Variants in SLC16A7 observed in about 807,000 individuals in gnomAD.
SLC16A7 encodes the protein solute carrier family 16 member 7.
In SLC16A7, 33 loss-of-function variants were observed where a neutral mutation model predicts 34.9. The ratio of observed to expected loss-of-function variants is 0.94; its 90% CI spans 0.72 to 1.26. The LOEUF (loss-of-function observed/expected upper bound fraction) is 1.26, where lower values mean the gene tolerates loss of function less well. SLC16A7 is among the 50% of genes most tolerant of loss of function. The probability of loss-of-function intolerance (pLI) is 0.00; values close to 1 mark genes in which losing one functional copy is unlikely to be tolerated. For synonymous variants in SLC16A7, 201 were observed against 206.6 expected (o/e 0.97, Z 0.23); for missense variants, 573 against 578.1 (o/e 0.99, Z 0.09).
rs550055412 is a variant in SLC16A7 at position 59,775,158 on chromosome 12, T to C, written c.863T>C (p.Val288Ala). The change falls in exon 5 of 6, where the codon GTT (valine) becomes GCT (alanine). Residue 288 changes from valine (V) to alanine (A), a missense_variant. Val to Ala is a moderately conservative substitution (Grantham distance 64). Coordinates refer to ENST00000547379, the MANE Select transcript of SLC16A7 (RefSeq NM_001270623.2). ...TACTCGGCAGCTTTTCTGCTATCTG[T>C]TATGGCTTTCGTTGATATGTTTGCT... ...DEYSAAFLLS[V>A]MAFVDMFARP... The C allele has an allele frequency of 1.6e-5, 26 of 1,614,114 alleles. No individual in the cohort carries two copies. In the South Asian group the frequency reaches 2.7e-4, roughly 17 times the overall value.
At chr12:59,758,547 TA>T (rs2137376121) in intron 3 of SLC16A7, among the ~76,000 whole-genome samples, 1 of 152,054 alleles carries the variant, frequency 6.6e-6, no homozygotes, top group South Asian at 2.1e-4. Context: ...AATAAAATGA[TA>T]ATATTGATGT....
At chr12:59,685,435 G>A (rs988766262) in intron 2 of SLC16A7, among the ~76,000 whole-genome samples, 1 of 152,080 alleles carries the variant, frequency 6.6e-6, no homozygotes, top group African/African-American at 2.4e-5. Flanking sequence ...AGGAAATGCT[G>A]GTGGTGAATA....
chr12:59,779,696 G>T lies in SLC16A7; in HGVS notation c.*17G>T. On this transcript the variant is annotated 3_prime_UTR_variant, in exon 6 of 6. Transcript: ENST00000547379. Reference sequence around the variant, plus strand: ...AACATTTAACAAGAATCACATCTCTGATTTCAGTGTTTATGACTTTATCTA... The same window carrying T: ...AACATTTAACAAGAATCACATCTCTTATTTCAGTGTTTATGACTTTATCTA... 2 of 1,590,212 alleles carry T rather than the reference G, an allele frequency of 1.3e-6. No homozygotes were observed. Among genetic ancestry groups the T allele is most frequent in the South Asian group, 1.1e-5 (1 of 88,062 alleles).
Position 59,704,770 on chromosome 12 carries a change from AG to A in SLC16A7, c.-30del. ...AACTGTTATTTCATTATTTTAATAT[AG>A]GTTACTTGAATTTCCACTAGAGGAG... On this transcript the variant is annotated splice_acceptor_variant, in intron 2 of 5. Transcript: ENST00000547379. LOFTEE classifies it low-confidence loss of function (5UTR_SPLICE). 2.1e-6 allele frequency: 3 copies of A among 1,428,086 alleles called. No individual in the cohort carries two copies. Among genetic ancestry groups the A allele is most frequent in the Non-Finnish European group, 2.9e-6 (3 of 1,019,706 alleles). The allele number at this position is 1,428,086 out of a possible 1,614,324, so 88.5% of individuals were successfully genotyped here.
intron 1 of SLC16A7, among the ~76,000 whole-genome samples, chr12:59,628,725 A>G (rs1263244870): frequency 6.6e-6 from 1 of 151,788 alleles, no homozygotes; most frequent in African/African-American, 2.4e-5. Context: ...GGCCTGGCAT[A>G]TGAAAGGTTC....
chr12:59,667,959 C>G (rs532831951), intron 2 of SLC16A7, among the ~76,000 whole-genome samples: 1 of 152,238 alleles, frequency 6.6e-6, no homozygotes, highest in Non-Finnish European at 1.5e-5. Context: ...TCAGAGAGGA[C>G]AAGCCCCAAG....
At position 59,779,747 on chromosome 12, in the gene SLC16A7, T is replaced by TTAAAG. The variant is rs1459410506; in HGVS notation, c.*71_*75dup. ...GGAGTTTGTTTTTCATTTTGTTTTT[T>TTAAAG]TAAAGTATTAGAAAAGGTTTTAGCT... On this transcript the variant is annotated 3_prime_UTR_variant, in exon 6 of 6. Transcript: ENST00000547379. The TTAAAG allele has an allele frequency of 1.1e-5, 15 of 1,312,294 alleles. No individual in the cohort carries two copies. Among genetic ancestry groups the TTAAAG allele is most frequent in the Non-Finnish European group, 1.6e-5 (15 of 957,770 alleles). 81.3% of individuals were successfully genotyped at this position (1,312,294 alleles called of 1,614,324 possible). A position where few individuals can be genotyped will look rare whatever the true frequency, so the allele number is the denominator to read the frequency against.
rs116910185 is a variant in SLC16A7, at chr12:59,598,640, C to T, written c.-130+2404C>T. ...ACCTGTATTCAGCCCATTTTTTGTC[C>T]ATTAATAGTGATCCTTAATGAATAA... On this transcript the variant is annotated intron_variant, in intron 1 of 5. Coordinates refer to ENST00000547379, the MANE Select transcript of SLC16A7 (RefSeq NM_001270623.2). 5.9e-5 allele frequency among the ~76,000 whole-genome samples: 9 copies of T among 152,180 alleles called. No individual in the cohort carries two copies. In the East Asian group the frequency reaches 1.7e-3, roughly 29 times the overall value.
intron 1 of SLC16A7, among the ~76,000 whole-genome samples, chr12:59,644,249 C>A (rs1207245562): frequency 6.6e-6 from 1 of 152,020 alleles, no homozygotes; most frequent in African/African-American, 2.4e-5. Context: ...CAACCTAGAC[C>A]CTGGCTTTAG....
At chr12:59,778,189 C>T (rs996978777) in intron 5 of SLC16A7, among the ~76,000 whole-genome samples, 5 of 151,952 alleles carry the variant, frequency 3.3e-5, no homozygotes, top group African/African-American at 1.2e-4. Flanking sequence ...GGACCTAATG[C>T]TTTTATATTT....
chr12:59,608,534 A>G (rs1879046493), intron 1 of SLC16A7, among the ~76,000 whole-genome samples: 1 of 152,184 alleles, frequency 6.6e-6, no homozygotes. Context: ...TGTTCCCTGT[A>G]GGCCGCATTA....
Position 59,673,317 on chromosome 12 carries a change from G to A in SLC16A7, c.-31+18067G>A, listed in dbSNP as rs544929284. Among the ~76,000 whole-genome samples, 214 of 152,074 alleles carry A rather than the reference G, an allele frequency of 1.4e-3. 1 individual carries two copies. Among genetic ancestry groups the A allele is most frequent in the African/African-American group, 4.5e-3 (187 of 41,494 alleles). On this transcript the variant is annotated intron_variant, in intron 2 of 5. Transcript: ENST00000547379. ...TGAGCTGTTATTTTTGACAATAATT[G>A]GCAAATAGATTCAGTTATTTCTTGA...
At chr12:59,597,198 C>T (rs530940959) in intron 1 of SLC16A7, 1 of 148,886 alleles carries the variant, frequency 6.7e-6, no homozygotes, top group Non-Finnish European at 1.5e-5. Context: ...TTCTGTAGTT[C>T]CAATTCCAGG....
intron 3 of SLC16A7, among the ~76,000 whole-genome samples, chr12:59,727,170 A>ATATATATAAT (rs1555174538): frequency 2.8e-5 from 4 of 144,376 alleles, no homozygotes; most frequent in South Asian, 4.3e-4. Flanking sequence ...ATATATATAT[A>ATATATATAAT]ATATATATAT....
chr12:59,741,099 T>G (rs2711665), intron 3 of SLC16A7, among the ~76,000 whole-genome samples: 18,427 of 151,718 alleles, frequency 0.12, 1,455 homozygotes, highest in African/African-American at 0.22. Context: ...ATGCTCATGG[T>G]TAGGAAGAAT....
At position 59,789,071 on chromosome 12, in the gene SLC16A7, T is replaced by C. The variant is rs1470029008; in HGVS notation, c.*9392T>C. 2.0e-5 allele frequency: 3 copies of C among 152,256 alleles called. No individual in the cohort carries two copies. Among genetic ancestry groups the C allele is most frequent in the African/African-American group, 2.4e-5 (1 of 41,582 alleles). The allele number at this position is 152,256 out of a possible 1,614,324, so 9.4% of individuals were successfully genotyped here. On this transcript the variant is annotated 3_prime_UTR_variant, in exon 6 of 6. Transcript: ENST00000547379. ...GAGGGTACTTATTTTGCCTACAGTT[T>C]CAAATATATTTTCAAATTCATCTCT...
rs1339800031 is a variant in SLC16A7, at chr12:59,602,650, A to AT, written c.-130+6420dup. Reference sequence around the variant, plus strand: ...AGGCGCCCACCATCACGTCTGGCTAATTTTTTGTATTTTTAGTAGAAATAG... The same window carrying AT: ...AGGCGCCCACCATCACGTCTGGCTAATTTTTTTGTATTTTTAGTAGAAATAG... On this transcript the variant is annotated intron_variant, in intron 1 of 5. Coordinates refer to ENST00000547379, the MANE Select transcript of SLC16A7 (RefSeq NM_001270623.2). Among the ~76,000 whole-genome samples, 20 of 151,350 alleles carry AT rather than the reference A, an allele frequency of 1.3e-4. No homozygotes were observed. The East Asian group carries it at 2.5e-3, about 19-fold the overall frequency.
chr12:59,619,452 T>C (rs1048825377), intron 1 of SLC16A7, among the ~76,000 whole-genome samples: 4 of 152,100 alleles, frequency 2.6e-5, no homozygotes, highest in African/African-American at 9.7e-5. Flanking sequence ...CTGGCTTCAT[T>C]TGTTCATAAT....
At chr12:59,748,365 C>T (rs754148841) in intron 3 of SLC16A7, among the ~76,000 whole-genome samples, 1 of 152,180 alleles carries the variant, frequency 6.6e-6, no homozygotes, top group African/African-American at 2.4e-5. Context: ...TACTGTACTA[C>T]TGTAATAATT....
Sources: gnomAD v4.1 joint callset for allele counts (sites outside exome capture counted in the v4.1 genomes callset) on GRCh38, gnomAD v4.1.1 for gene constraint, MANE v1.5 for transcripts, NCBI Gene and HGNC (gene_info 2026-07-23, HGNC 2026-07-21) for gene names.